Variants in ZNF469 observed in about 807,000 individuals in gnomAD.
The protein encoded by ZNF469 is zinc finger protein 469.
A neutral mutation model predicts 1.0 loss-of-function variants in ZNF469; 1 was observed. The ratio of observed to expected loss-of-function variants is 1.00; its 90% CI spans 0.35 to 4.73. The LOEUF is 4.73. Ranked by LOEUF, ZNF469 falls within the 30% of genes most tolerant of loss-of-function variation. ZNF469 has a pLI of 0.16. For synonymous variants in ZNF469, 2,703 were observed against 2,363.4 expected, an observed-to-expected ratio of 1.14 and a Z score of -4.17; for missense variants, 6,100 against 5,356.3, an observed-to-expected ratio of 1.14 and a Z score of -4.33.
intron 1 of ZNF469, among the ~76,000 whole-genome samples, chr16:88,405,906 G>A (rs1224243320): frequency 3.9e-5 from 6 of 152,162 alleles, no homozygotes; most frequent in South Asian, 2.1e-4. Context: ...GCGTCCTCCC[G>A]ACCCCCGCCC....
chr16:88,178,379 G>C, the ZNF469 span: 1 of 152,178 alleles, frequency 6.6e-6, no homozygotes, highest in Non-Finnish European at 1.5e-5. Flanking sequence ...TATGAATGGG[G>C]CACTCCGGCG....
chr16:88,140,475 A>AATCGGAGGGTAGCCCGGAG, the ZNF469 span, among the ~76,000 whole-genome samples: 2 of 132,226 alleles, frequency 1.5e-5, no homozygotes, highest in African/African-American at 8.8e-5. Context: ...TAGCACGGAA[A>AATCGGAGGGTAGCCCGGAG]GTCAGTGACA....
chr16:88,338,811 G>A, the ZNF469 span, among the ~76,000 whole-genome samples: 5 of 152,190 alleles, frequency 3.3e-5, no homozygotes, highest in East Asian at 1.9e-4. Context: ...GGCCAAGAGC[G>A]TCACAGAAGC....
chr16:88,206,688 C>T, the ZNF469 span, among the ~76,000 whole-genome samples: 2 of 151,568 alleles, frequency 1.3e-5, no homozygotes, highest in African/African-American at 4.9e-5. Flanking sequence ...TCTTTTAAAA[C>T]CTCGATGGCT....
At chr16:88,229,402 T>C in the ZNF469 span, among the ~76,000 whole-genome samples, 5 of 152,180 alleles carry the variant, frequency 3.3e-5, no homozygotes, top group Admixed American at 1.3e-4. Flanking sequence ...TTAACGATGA[T>C]CTGGAGGAAA....
the ZNF469 span, among the ~76,000 whole-genome samples, chr16:88,321,755 C>T: frequency 6.6e-6 from 1 of 152,230 alleles, no homozygotes; most frequent in Non-Finnish European, 1.5e-5. Flanking sequence ...CACATGAGGC[C>T]TCACCTGTTT....
the ZNF469 span, among the ~76,000 whole-genome samples, chr16:88,111,273 G>A: frequency 5.9e-5 from 9 of 152,302 alleles, no homozygotes; most frequent in East Asian, 1.9e-4. Context: ...TTGTGGGTAC[G>A]TCGTAGATGT....
At chr16:88,381,400 A>G (rs1052099981), upstream of ZNF469, among the ~76,000 whole-genome samples, 1 of 149,964 alleles carries the variant, frequency 6.7e-6, no homozygotes, top group Non-Finnish European at 1.5e-5. Flanking sequence ...ACACACACGC[A>G]CTCACACACA....
At chr16:88,227,717 A>C in the ZNF469 span, among the ~76,000 whole-genome samples, 1 of 152,152 alleles carries the variant, frequency 6.6e-6, no homozygotes, top group Non-Finnish European at 1.5e-5. Context: ...ACAATGATGG[A>C]GACGTTGTTT....
chr16:88,221,462 T>C, the ZNF469 span, among the ~76,000 whole-genome samples: 2 of 152,378 alleles, frequency 1.3e-5, no homozygotes, highest in South Asian at 2.1e-4. Flanking sequence ...GGGGCCAGGA[T>C]ACAGGGCCTT....
chr16:88,318,351 C>T, the ZNF469 span, among the ~76,000 whole-genome samples: 2 of 152,222 alleles, frequency 1.3e-5, no homozygotes, highest in East Asian at 1.9e-4. Context: ...CTCCTGGAGA[C>T]GCTGCCCCCC....
the ZNF469 span, among the ~76,000 whole-genome samples, chr16:88,156,996 C>G: frequency 6.6e-6 from 1 of 152,244 alleles, no homozygotes; most frequent in African/African-American, 2.4e-5. Flanking sequence ...GAAGAAAACA[C>G]AGCCCCAACA....
chr16:88,303,833 T>C, the ZNF469 span, among the ~76,000 whole-genome samples: 4 of 152,028 alleles, frequency 2.6e-5, no homozygotes, highest in African/African-American at 4.8e-5. Context: ...CATCAGGAGG[T>C]TGTGCAGATT....
the ZNF469 span, among the ~76,000 whole-genome samples, chr16:88,267,150 ACT>A: frequency 5.9e-5 from 9 of 151,512 alleles, no homozygotes; most frequent in Non-Finnish European, 7.4e-5. Flanking sequence ...CGGCGCCCTC[ACT>A]CTCTGCGTGT....
At chr16:88,308,305 T>A in the ZNF469 span, among the ~76,000 whole-genome samples, 1 of 152,216 alleles carries the variant, frequency 6.6e-6, no homozygotes, top group Admixed American at 6.5e-5. Context: ...GTTTTGGCTA[T>A]TCTGAGTCCC....
chr16:88,134,301 C>T, the ZNF469 span, among the ~76,000 whole-genome samples: 10 of 152,312 alleles, frequency 6.6e-5, no homozygotes, highest in East Asian at 5.8e-4. Flanking sequence ...CATGGCTGCA[C>T]GGTGCACTGT....
the ZNF469 span, among the ~76,000 whole-genome samples, chr16:88,156,485 C>T: frequency 6.6e-6 from 1 of 152,208 alleles, no homozygotes; most frequent in Non-Finnish European, 1.5e-5. Context: ...TTGTTGAAGA[C>T]TATTCTTTCT....
chr16:88,417,195 A>C (rs536746979), intron 1 of ZNF469, among the ~76,000 whole-genome samples: 8 of 151,874 alleles, frequency 5.3e-5, no homozygotes, highest in Non-Finnish European at 1.0e-4. Context: ...GGGAGCTCAA[A>C]GCCAGGGGCG....
At chr16:88,328,830 T>A in the ZNF469 span, among the ~76,000 whole-genome samples, 1 of 151,948 alleles carries the variant, frequency 6.6e-6, no homozygotes. Context: ...ATTCCAGGTG[T>A]CCAGAGAAAA....
Sources: gnomAD v4.1 joint callset for allele counts (sites outside exome capture counted in the v4.1 genomes callset) on GRCh38, gnomAD v4.1.1 for gene constraint, MANE v1.5 for transcripts, NCBI Gene and HGNC (gene_info 2026-07-23, HGNC 2026-07-21) for gene names.